Variants in MOGAT3 observed in about 807,000 individuals in gnomAD.
The protein encoded by MOGAT3 is 2-acylglycerol O-acyltransferase 3.
In MOGAT3, 39 loss-of-function variants were observed where a neutral mutation model predicts 34.4. That is an observed-to-expected ratio of 1.13 (90% CI 0.88 to 1.48). The LOEUF (loss-of-function observed/expected upper bound fraction) is 1.48. Among genes scored for constraint, MOGAT3 ranks in the 40% most tolerant of loss-of-function variants. The pLI is 0.00. For synonymous variants in MOGAT3, 209 were observed against 179.2 expected, an observed-to-expected ratio of 1.17 and a Z score of -1.33; for missense variants, 439 against 438.9, an observed-to-expected ratio of 1.00 and a Z score of 0.00.
rs1401692266 is a variant in MOGAT3, at chr7:101,196,188, C to T, written c.870G>A (p.Val290=). The change falls in exon 6 of 7, where the codon GTG becomes GTA. Residue 290 remains valine, a splice_region_variant and synonymous_variant. Transcript: ENST00000223114. ...LLPFAVPITT[V]VGRPIPVPQR... is the part of the protein sequence containing the mutation. ...GTCCCCCCGGAGGTGGGCACTCACC[C>T]ACAGTGGTGATGGGCACAGCAAAGG... 1 of 1,574,046 alleles carries T rather than the reference C, an allele frequency of 6.4e-7. No individual in the cohort carries two copies. Among genetic ancestry groups the T allele is most frequent in the Non-Finnish European group, 8.6e-7 (1 of 1,159,436 alleles).
intron 5 of MOGAT3, among the ~76,000 whole-genome samples, chr7:101,197,563 A>T (rs563240463): frequency 3.3e-5 from 5 of 152,250 alleles, no homozygotes; most frequent in South Asian, 4.1e-4. Flanking sequence ...CTTTGCAATA[A>T]CAACATCGTG....
At chr7:101,199,462 GCC>G in intron 3 of MOGAT3, among the ~76,000 whole-genome samples, 1 of 152,180 alleles carries the variant, frequency 6.6e-6, no homozygotes, top group East Asian at 1.9e-4. Context: ...ACAGGCATGT[GCC>G]ACCATGTCCG....
At position 101,195,804 on chromosome 7, in the gene MOGAT3, T is replaced by C. The variant is rs1797759874; in HGVS notation, c.*142A>G. 1.2e-6 allele frequency: 1 copy of C among 865,086 alleles called. No homozygotes were observed. 53.6% of individuals were successfully genotyped at this position (865,086 alleles called of 1,614,324 possible). The stretch of plus-strand genomic sequence containing the variant: ...CTGGGCTCAAACGATCCTCCCACCT[T>C]GGCCTCCCAAAGTGCTGGGATTACA... On this transcript the variant is annotated 3_prime_UTR_variant, in exon 7 of 7. Coordinates refer to ENST00000223114, the MANE Select transcript of MOGAT3 (RefSeq NM_178176.4).
In MOGAT3 at chr7:101,200,463, G is replaced by A. The variant is rs1408619416; in HGVS notation, c.162C>T (p.Pro54=). 2 of 1,609,208 alleles carry A rather than the reference G, an allele frequency of 1.2e-6. No homozygotes were observed. The highest frequency in any genetic ancestry group is 4.5e-5 in the East Asian group (2 of 44,744). Residue 54 remains proline, a synonymous_variant, in exon 2 of 7, where the codon CCC becomes CCT. Coordinates refer to ENST00000223114, the MANE Select transcript of MOGAT3 (RefSeq NM_178176.4). ...GCCACACCAAGTAAAAAACAGAGAA[G>A]GGCCAGAGTGACGTGAAGAGGAGGA... The part of the protein sequence containing the change: ...VFVLLFTSLW[P]FSVFYLVWLY...
chr7:101,198,951 C>G, intron 3 of MOGAT3, 121 bp from the exon 4 acceptor site: 1 of 800,202 alleles, frequency 1.2e-6, no homozygotes, highest in South Asian at 1.7e-5. Context: ...AAGGGCCACC[C>G]CAGCAGAGTT....
intron 3 of MOGAT3, among the ~76,000 whole-genome samples, chr7:101,199,534 T>C (rs1247441873): frequency 1.3e-5 from 2 of 151,874 alleles, no homozygotes; most frequent in African/African-American, 2.4e-5. Context: ...CAGGCTGGTC[T>C]CGAACTCCTG....
chr7:101,200,390 C>T lies in MOGAT3; in HGVS notation c.217+18G>A. 1.9e-6 allele frequency: 3 copies of T among 1,610,978 alleles called. No homozygotes were observed. Among genetic ancestry groups the T allele is most frequent in the African/African-American group, 1.3e-5 (1 of 74,924 alleles). Reference sequence around the variant, plus strand: ...TCCCCACCATCTCTGGCTACCTGGGCCCCCATCCGGAGCTCACCTTGGTTG... The same window carrying T: ...TCCCCACCATCTCTGGCTACCTGGGTCCCCATCCGGAGCTCACCTTGGTTG... On this transcript the variant is annotated intron_variant, in intron 2 of 6. Coordinates refer to ENST00000223114, the MANE Select transcript of MOGAT3 (RefSeq NM_178176.4).
intron 2 of MOGAT3, 35 bp from the exon 3 acceptor site, chr7:101,200,339 G>A (rs755879404): frequency 3.0e-5 from 48 of 1,611,626 alleles, no homozygotes; most frequent in Middle Eastern, 1.6e-4. Flanking sequence ...ACGAACCCCC[G>A]GAGTCACCTC....
chr7:101,200,431 A>C lies in MOGAT3; in HGVS notation c.194T>G (p.Val65Gly), dbSNP rs1341283286. 2 of 1,612,364 alleles carry C rather than the reference A, an allele frequency of 1.2e-6. No homozygotes were observed. The highest frequency in any genetic ancestry group is 2.2e-5 in the East Asian group (1 of 44,838). ...FSVFYLVWLY[V>G]DWDTPNQGGR... ...ACCTTGGTTGGGTGTGTCCCAGTCCACATAGAGCCACACCAAGTAAAAAAC... is the reference window on the plus strand; with the variant it reads ...ACCTTGGTTGGGTGTGTCCCAGTCCCCATAGAGCCACACCAAGTAAAAAAC... Residue 65 changes from valine (V) to glycine (G), a missense_variant, in exon 2 of 7, where the codon GTG (valine) becomes GGG (glycine). Coordinates refer to ENST00000223114, the MANE Select transcript of MOGAT3 (RefSeq NM_178176.4).
At position 101,195,045 on chromosome 7, in the gene MOGAT3, A is replaced by C. The variant is rs926410367; in HGVS notation, c.*901T>G. 6 of 152,272 alleles carry C rather than the reference A, an allele frequency of 3.9e-5. No individual in the cohort carries two copies. Among genetic ancestry groups the C allele is most frequent in the African/African-American group, 1.4e-4 (6 of 41,460 alleles). 9.4% of individuals were successfully genotyped at this position (152,272 alleles called of 1,614,324 possible). A position where few individuals can be genotyped will look rare whatever the true frequency, so the allele number is the denominator to read the frequency against. On this transcript the variant is annotated 3_prime_UTR_variant, in exon 7 of 7. Transcript: ENST00000223114. ...TGCCTTTATTTACAGACAAAGAAGT[A>C]AACAGGCAAAAGGAAGAGGCTTGTC...
Position 101,198,272 on chromosome 7 carries a change from T to A in MOGAT3, c.587A>T (p.Glu196Val), listed in dbSNP as rs749755070. 5.6e-6 allele frequency: 9 copies of A among 1,611,416 alleles called. No homozygotes were observed. The Admixed American group carries it at 1.2e-4, about 21-fold the overall frequency. ...AVVIMVGGAHEALYSVPGEHC... is the reference protein window; with the variant it reads ...AVVIMVGGAHVALYSVPGEHC... ...CTCCCCGGGGACTGAATACAGGGCC[T>A]CGTGCGCACCCCCCACCATGATGAC... The change falls in exon 5 of 7, where the codon GAG becomes GTG. Residue 196 changes from glutamate (E) to valine (V), a missense_variant. Coordinates refer to ENST00000223114, the MANE Select transcript of MOGAT3 (RefSeq NM_178176.4).
At chr7:101,194,945 T>C (rs1301574718), downstream of MOGAT3, 3 of 152,380 alleles carry the variant, frequency 2.0e-5, no homozygotes, top group African/African-American at 7.2e-5. Flanking sequence ...TCCTGCTCAC[T>C]CTTCAAAGCC....
chr7:101,200,250 T>A lies in MOGAT3; in HGVS notation c.272A>T (p.Asp91Val). ...ACCCATCACCTTGACAGGATAATAA[T>A]CCCTTAGTTGTCTCCAAATTGCCCG... ...RNRAIWRQLR[D>V]YYPVKLVKTA... Residue 91 changes from aspartate (D) to valine (V), a missense_variant, in exon 3 of 7, where the codon GAT (aspartate) becomes GTT (valine). Physicochemically the swap from Asp to Val is radical, Grantham distance 152. Coordinates refer to ENST00000223114, the MANE Select transcript of MOGAT3 (RefSeq NM_178176.4). 1 of 1,613,916 alleles carries A rather than the reference T, an allele frequency of 6.2e-7. No homozygotes were observed. The highest frequency in any genetic ancestry group is 2.2e-5 in the East Asian group (1 of 44,860).
chr7:101,197,408 GA>G (rs1797821021), intron 5 of MOGAT3, among the ~76,000 whole-genome samples: 1 of 151,922 alleles, frequency 6.6e-6, no homozygotes, highest in South Asian at 2.1e-4. Context: ...GGCTGGTCTT[GA>G]ACTCCTGGCT....
At chr7:101,196,988 C>T (rs1797808288) in intron 5 of MOGAT3, among the ~76,000 whole-genome samples, 1 of 151,850 alleles carries the variant, frequency 6.6e-6, no homozygotes, top group Non-Finnish European at 1.5e-5. Context: ...TATGGTGAAA[C>T]CCCATCTCTA....
intron 1 of MOGAT3, 91 bp from the exon 2 acceptor site, chr7:101,200,606 C>A: frequency 7.7e-7 from 1 of 1,290,794 alleles, no homozygotes; most frequent in South Asian, 1.3e-5. Context: ...TTCAGAACAA[C>A]CAGCTCTCTC....
chr7:101,198,771 A>G lies in MOGAT3; in HGVS notation c.348T>C (p.His116=). 2 of 1,613,666 alleles carry G rather than the reference A, an allele frequency of 1.2e-6. No homozygotes were observed. The highest frequency in any genetic ancestry group is 1.7e-6 in the Non-Finnish European group (2 of 1,179,906). ...DRNYVLGAHP[H]GIMCTGFLCN... ...AGAGGAAGCCTGTACACATGATCCC[A>G]TGAGGGTGGGCGCCCAGCACGTAGT... The change falls in exon 4 of 7, where the codon CAT becomes CAC. Residue 116 remains histidine, a synonymous_variant. Coordinates refer to ENST00000223114, the MANE Select transcript of MOGAT3 (RefSeq NM_178176.4).
rs374257907 is a variant in MOGAT3, at chr7:101,198,422, C to T, written c.494-57G>A. The T allele has an allele frequency of 1.2e-3, 1,834 of 1,480,440 alleles. 9 individuals are homozygous for T. Among genetic ancestry groups the T allele is most frequent in the South Asian group, 5.5e-3 (399 of 72,366 alleles). 91.7% of individuals were successfully genotyped at this position (1,480,440 alleles called of 1,614,324 possible). A position where few individuals can be genotyped will look rare whatever the true frequency, so the allele number is the denominator to read the frequency against. On this transcript the variant is annotated intron_variant, in intron 4 of 6. Coordinates refer to ENST00000223114, the MANE Select transcript of MOGAT3 (RefSeq NM_178176.4). ...CATCTGCCTCCACGGCACCCCCGCC[C>T]CTCACCCAGCCTTTAGTTCCAAGCC...
chr7:101,200,398 C>G lies in MOGAT3; in HGVS notation c.217+10G>C. On this transcript the variant is annotated intron_variant, in intron 2 of 6. Transcript: ENST00000223114. ...ATCTCTGGCTACCTGGGCCCCCATC[C>G]GGAGCTCACCTTGGTTGGGTGTGTC... 1 of 1,612,992 alleles carries G rather than the reference C, an allele frequency of 6.2e-7. No homozygotes were observed. The highest frequency in any genetic ancestry group is 1.3e-5 in the African/African-American group (1 of 74,982).
Sources: gnomAD v4.1 joint callset for allele counts (sites outside exome capture counted in the v4.1 genomes callset) on GRCh38, gnomAD v4.1.1 for gene constraint, MANE v1.5 for transcripts, NCBI Gene and HGNC (gene_info 2026-07-23, HGNC 2026-07-21) for gene names.